DIS3L2: variants seen among roughly 807,000 people sequenced by gnomAD.
DIS3L2 encodes DIS3-like exonuclease 2.
A neutral mutation model predicts 97.5 loss-of-function variants in DIS3L2; 34 were observed. The observed-to-expected ratio is 0.35, with a 90% confidence interval of 0.27 to 0.46. The LOEUF is 0.46. DIS3L2 is among the 20% of genes least tolerant of loss of function. DIS3L2 has a pLI of 1.00. For missense variants in DIS3L2, 1,038 were observed against 1,146.0 expected, an observed-to-expected ratio of 0.91 and a Z score of 1.36; for synonymous variants, 435 against 445.2, an observed-to-expected ratio of 0.98 and a Z score of 0.29.
At chr2:232,139,765 TGA>T (rs772214189) in intron 8 of DIS3L2, among the ~76,000 whole-genome samples, 1 of 152,040 alleles carries the variant, frequency 6.6e-6, no homozygotes, top group Non-Finnish European at 1.5e-5. Context: ...AAAGAATAGA[TGA>T]GAAGGGACAT....
intron 14 of DIS3L2, among the ~76,000 whole-genome samples, chr2:232,307,084 G>A (rs930246695): frequency 3.3e-5 from 5 of 152,218 alleles, no homozygotes; most frequent in East Asian, 3.8e-4. Context: ...TGCCTTCCCC[G>A]TGGCCCTGTG....
intron 6 of DIS3L2, among the ~76,000 whole-genome samples, chr2:232,112,354 G>A (rs926353349): frequency 6.6e-6 from 1 of 152,184 alleles, no homozygotes; most frequent in African/African-American, 2.4e-5. Flanking sequence ...GGCCTGAGTG[G>A]GTTTATACAC....
At chr2:231,988,130 A>G (rs1028111320) in intron 1 of DIS3L2, among the ~76,000 whole-genome samples, 1 of 152,228 alleles carries the variant, frequency 6.6e-6, no homozygotes, top group African/African-American at 2.4e-5. Context: ...GGCGTGAGCC[A>G]CCGCACCTGG....
At chr2:232,314,556 G>A (rs761290053) in intron 14 of DIS3L2, among the ~76,000 whole-genome samples, 9 of 152,090 alleles carry the variant, frequency 5.9e-5, no homozygotes, top group Non-Finnish European at 1.0e-4. Flanking sequence ...ATTTCCCTAT[G>A]AGACAGAAAA....
chr2:232,058,740 A>G (rs946445984), intron 5 of DIS3L2, among the ~76,000 whole-genome samples: 3 of 152,106 alleles, frequency 2.0e-5, no homozygotes, highest in Admixed American at 2.0e-4. Context: ...TGGACTCTGT[A>G]TATGTGTGAG....
At chr2:232,343,398 T>A in exon 14 of DIS3L2, 1 of 1,556,374 alleles carries the variant, frequency 6.4e-7, no homozygotes, top group Non-Finnish European at 8.7e-7. Context: ...ACAGCCCCTC[T>A]GCTGAAGATG....
intron 14 of DIS3L2, among the ~76,000 whole-genome samples, chr2:232,307,352 T>C (rs1695012994): frequency 6.6e-6 from 1 of 152,240 alleles, no homozygotes; most frequent in Non-Finnish European, 1.5e-5. Flanking sequence ...TCTTTTCATT[T>C]GCCGTAGGAT....
intron 9 of DIS3L2, among the ~76,000 whole-genome samples, chr2:232,174,845 T>C (rs995102838): frequency 3.3e-5 from 5 of 151,716 alleles, no homozygotes; most frequent in African/African-American, 9.7e-5. Context: ...AGTTTTTTTT[T>C]TGTTTTTTTG....
intron 5 of DIS3L2, among the ~76,000 whole-genome samples, chr2:232,044,576 T>C (rs1008237260): frequency 2.0e-5 from 3 of 152,092 alleles, no homozygotes; most frequent in Non-Finnish European, 2.9e-5. Context: ...TAGGGACATA[T>C]AGGTATACAA....
At chr2:232,273,899 A>AT (rs1474553182) in intron 13 of DIS3L2, among the ~76,000 whole-genome samples, 3 of 152,184 alleles carry the variant, frequency 2.0e-5, no homozygotes, top group Admixed American at 1.3e-4. Flanking sequence ...GATGAAAGCG[A>AT]TTTGTGTATC....
chr2:231,997,500 G>A (rs529701592), intron 1 of DIS3L2, among the ~76,000 whole-genome samples: 75 of 152,278 alleles, frequency 4.9e-4, no homozygotes, highest in African/African-American at 1.5e-3. Flanking sequence ...AGTCCACATA[G>A]CCTTTAATTG....
intron 1 of DIS3L2, among the ~76,000 whole-genome samples, chr2:231,983,525 T>C (rs1388687052): frequency 2.0e-5 from 3 of 152,188 alleles, no homozygotes; most frequent in Non-Finnish European, 2.9e-5. Context: ...TAGATTCTCA[T>C]AGGAGTGCGA....
intron 10 of DIS3L2, among the ~76,000 whole-genome samples, chr2:232,215,712 G>T (rs1692314659): frequency 6.6e-6 from 1 of 152,206 alleles, no homozygotes; most frequent in African/African-American, 2.4e-5. Flanking sequence ...AGGCAGTGAG[G>T]AAGTAGGAGC....
At chr2:232,142,517 T>C (rs1172422233) in intron 8 of DIS3L2, among the ~76,000 whole-genome samples, 2 of 152,196 alleles carry the variant, frequency 1.3e-5, no homozygotes, top group Admixed American at 6.6e-5. Flanking sequence ...CCTCCTCTTA[T>C]ACTCATTAAA....
At chr2:232,283,826 G>T (rs1383128004) in intron 13 of DIS3L2, among the ~76,000 whole-genome samples, 1 of 152,154 alleles carries the variant, frequency 6.6e-6, no homozygotes, top group Non-Finnish European at 1.5e-5. Flanking sequence ...GCTGTGTAAG[G>T]ATGGGACAGT....
chr2:232,122,020 CCTGT>C (rs887084957), intron 6 of DIS3L2, among the ~76,000 whole-genome samples: 2 of 152,152 alleles, frequency 1.3e-5, no homozygotes, highest in African/African-American at 4.8e-5. Context: ...TGTTCAGAAA[CCTGT>C]CTAAGCTTCC....
chr2:232,139,853 A>C (rs867871843), intron 8 of DIS3L2, among the ~76,000 whole-genome samples: 2 of 152,200 alleles, frequency 1.3e-5, no homozygotes, highest in Admixed American at 1.3e-4. Flanking sequence ...AAAGGGTTGC[A>C]ATGGAGGAAA....
intron 16 of DIS3L2, among the ~76,000 whole-genome samples, chr2:232,331,443 C>T (rs12477654): frequency 0.11 from 17,168 of 152,232 alleles, 1,417 homozygotes; most frequent in African/African-American, 0.23. Context: ...CTCGGTCACT[C>T]GGCAGATTCA....
intron 9 of DIS3L2, among the ~76,000 whole-genome samples, chr2:232,179,690 T>G (rs1190737377): frequency 2.0e-5 from 2 of 101,136 alleles, no homozygotes; most frequent in Non-Finnish European, 3.6e-5. Context: ...GTCTATTTGA[T>G]TCTTCTCTCT....
Sources: gnomAD v4.1 joint callset for allele counts (sites outside exome capture counted in the v4.1 genomes callset) on GRCh38, gnomAD v4.1.1 for gene constraint, MANE v1.5 for transcripts, NCBI Gene and HGNC (gene_info 2026-07-23, HGNC 2026-07-21) for gene names.